MAGI2: variants seen among roughly 807,000 people sequenced by gnomAD.
The protein encoded by MAGI2 is membrane-associated guanylate kinase, WW and PDZ domain-containing protein 2.
A neutral mutation model predicts 133.3 loss-of-function variants in MAGI2; 35 were observed. The ratio of observed to expected loss-of-function variants is 0.26; its 90% confidence interval spans 0.20 to 0.35. The LOEUF is 0.35. MAGI2 is among the 10% of genes least tolerant of loss of function. The pLI, the probability that MAGI2 is intolerant of heterozygous loss-of-function variation, is 1.00. For synonymous variants in MAGI2, 729 were observed against 710.6 expected (o/e 1.03, Z -0.41); for missense variants, 1,636 against 1,863.4 (o/e 0.88, Z 2.25).
chr7:78,627,435 C>T (rs1205664902), intron 2 of MAGI2, among the ~76,000 whole-genome samples, 196 bp from the exon 3 acceptor site: 1 of 152,132 alleles, frequency 6.6e-6, no homozygotes, highest in Admixed American at 6.5e-5. Flanking sequence ...GTACAAAGCA[C>T]TTTTCTTCAT....
chr7:78,187,665 C>G (rs1441171117), intron 12 of MAGI2, among the ~76,000 whole-genome samples: 6 of 152,256 alleles, frequency 3.9e-5, no homozygotes, highest in African/African-American at 1.2e-4. Flanking sequence ...AATTAGCTTT[C>G]TGGCACAATT....
chr7:78,095,555 T>C (rs7783266), intron 20 of MAGI2, among the ~76,000 whole-genome samples: 4,611 of 152,286 alleles, frequency 0.03, 245 homozygotes, highest in African/African-American at 0.11. Flanking sequence ...ATGGCTCAGC[T>C]ACTTTTAGAC....
intron 1 of MAGI2, among the ~76,000 whole-genome samples, chr7:79,024,697 G>T (rs1809690219): frequency 6.6e-6 from 1 of 151,966 alleles, no homozygotes; most frequent in African/African-American, 2.4e-5. Context: ...GGGGGCAAAG[G>T]ACATGAACAG....
intron 2 of MAGI2, among the ~76,000 whole-genome samples, chr7:78,729,552 T>C (rs941455307): frequency 6.6e-6 from 1 of 152,202 alleles, no homozygotes; most frequent in African/African-American, 2.4e-5. Context: ...TCAATATTTT[T>C]TGAACACAGT....
chr7:78,750,325 A>C (rs1316961488), intron 2 of MAGI2, among the ~76,000 whole-genome samples: 1 of 152,178 alleles, frequency 6.6e-6, no homozygotes, highest in Non-Finnish European at 1.5e-5. Context: ...TATTGTGAAC[A>C]GTGCTGCAAT....
intron 10 of MAGI2, among the ~76,000 whole-genome samples, chr7:78,245,969 C>T (rs1305525329): frequency 1.1e-4 from 16 of 152,126 alleles, no homozygotes; most frequent in African/African-American, 2.9e-4. Context: ...GCTTAGCCAC[C>T]ATGGAGCCAC....
At chr7:78,762,574 G>T (rs1233896169) in intron 2 of MAGI2, among the ~76,000 whole-genome samples, 2 of 152,114 alleles carry the variant, frequency 1.3e-5, no homozygotes, top group South Asian at 2.1e-4. Flanking sequence ...AACAAGAAGA[G>T]GATCATCTCA....
chr7:78,734,366 T>TA (rs1461751555), intron 2 of MAGI2, among the ~76,000 whole-genome samples: 1 of 152,146 alleles, frequency 6.6e-6, no homozygotes, highest in Non-Finnish European at 1.5e-5. Flanking sequence ...AAGGAAGCAC[T>TA]AAAACCTGCC....
chr7:78,675,824 G>T (rs941448969), intron 2 of MAGI2, among the ~76,000 whole-genome samples: 2 of 152,106 alleles, frequency 1.3e-5, no homozygotes, highest in Non-Finnish European at 2.9e-5. Context: ...TTAAATCAGA[G>T]GTGCAGAGCC....
chr7:79,348,479 G>C (rs928137544), intron 1 of MAGI2, among the ~76,000 whole-genome samples: 2 of 151,890 alleles, frequency 1.3e-5, no homozygotes, highest in Non-Finnish European at 1.5e-5. Flanking sequence ...GTAGGACAAA[G>C]AATATAACTA....
intron 2 of MAGI2, among the ~76,000 whole-genome samples, chr7:78,697,195 C>A (rs1817612304): frequency 6.6e-6 from 1 of 151,936 alleles, no homozygotes. Flanking sequence ...TTAGGGAGAG[C>A]TTTGGAAGTT....
At chr7:79,018,350 G>A (rs564833074) in intron 1 of MAGI2, among the ~76,000 whole-genome samples, 5 of 152,292 alleles carry the variant, frequency 3.3e-5, no homozygotes, top group Non-Finnish European at 5.9e-5. Flanking sequence ...CAAACGCTAA[G>A]GGAATTCATT....
intron 2 of MAGI2, among the ~76,000 whole-genome samples, chr7:78,786,276 G>A (rs371203237): frequency 6.6e-6 from 1 of 152,026 alleles, no homozygotes; most frequent in South Asian, 2.1e-4. Flanking sequence ...CCCAGCAGGC[G>A]GGTCCAAGCT....
intron 2 of MAGI2, among the ~76,000 whole-genome samples, chr7:78,682,365 A>C (rs975135492): frequency 3.3e-5 from 5 of 151,454 alleles, no homozygotes; most frequent in East Asian, 1.9e-4. Context: ...TAATGCTATC[A>C]CTCCCCTTGC....
intron 2 of MAGI2, among the ~76,000 whole-genome samples, chr7:78,863,326 G>A (rs537574): frequency 0.17 from 25,292 of 152,110 alleles, 2,240 homozygotes; most frequent in Non-Finnish European, 0.2. Context: ...GACTTTTCTG[G>A]CTGAAAAATT....
intron 5 of MAGI2, among the ~76,000 whole-genome samples, chr7:78,497,386 A>T (rs1794183363): frequency 6.6e-6 from 1 of 152,186 alleles, no homozygotes; most frequent in Non-Finnish European, 1.5e-5. Flanking sequence ...TGCTTTTATC[A>T]ATCATCAAAA....
intron 1 of MAGI2, among the ~76,000 whole-genome samples, chr7:79,086,149 G>A (rs1481425478): frequency 6.6e-6 from 1 of 151,898 alleles, no homozygotes; most frequent in Non-Finnish European, 1.5e-5. Context: ...TCAGGCAGCT[G>A]TGATACTAAA....
intron 1 of MAGI2, among the ~76,000 whole-genome samples, chr7:79,170,137 C>CTTTTTTTTTTTTTTTTTTTT (rs10539344): frequency 9.3e-5 from 4 of 42,924 alleles, no homozygotes; most frequent in African/African-American, 3.5e-4. Context: ...AGATATTATA[C>CTTTTTTTTTTTTTTTTTTTT]TTTTTTTTTT....
chr7:78,817,714 C>CT (rs35369022), intron 2 of MAGI2, among the ~76,000 whole-genome samples: 11,132 of 144,082 alleles, frequency 0.077, 512 homozygotes, highest in Non-Finnish European at 0.11. Context: ...ATAGTGTAAA[C>CT]TTTTTTTTTT....
Sources: gnomAD v4.1 joint callset for allele counts (sites outside exome capture counted in the v4.1 genomes callset) on GRCh38, gnomAD v4.1.1 for gene constraint, MANE v1.5 for transcripts, NCBI Gene and HGNC (gene_info 2026-07-23, HGNC 2026-07-21) for gene names.